Variants in SCN8A observed in about 807,000 individuals in gnomAD.
SCN8A encodes the protein sodium channel protein type 8 subunit alpha.
Under a neutral mutation model 184.1 loss-of-function variants are expected in SCN8A, and 30 were observed. The observed-to-expected ratio is 0.16, with a 90% confidence interval of 0.12 to 0.22. The LOEUF (loss-of-function observed/expected upper bound fraction) is 0.22. Among genes scored for constraint, SCN8A ranks in the 10% least tolerant of loss-of-function variants. The pLI is 1.00. For synonymous variants in SCN8A, 852 were observed against 907.0 expected (o/e 0.94, Z 1.09); for missense variants, 1,057 against 2,498.9 (o/e 0.42, Z 12.30).
chr12:51,596,419 C>T (rs990609408), intron 1 of SCN8A, among the ~76,000 whole-genome samples: 13 of 152,180 alleles, frequency 8.5e-5, no homozygotes, highest in African/African-American at 2.7e-4. Context: ...GACTATCTAA[C>T]TGGTGTAGTG....
intron 16 of SCN8A, among the ~76,000 whole-genome samples, chr12:51,766,753 A>C (rs982482894): frequency 5.9e-5 from 9 of 152,254 alleles, no homozygotes; most frequent in African/African-American, 1.9e-4. Flanking sequence ...AGCAGCAACA[A>C]GATCACTGGA....
intron 12 of SCN8A, among the ~76,000 whole-genome samples, chr12:51,743,907 C>A (rs1811527649): frequency 1.3e-5 from 2 of 151,862 alleles, no homozygotes; most frequent in African/African-American, 4.8e-5. Flanking sequence ...ACCAGCCTGG[C>A]CAACATGGTG....
chr12:51,746,165 C>CTAT, intron 13 of SCN8A, 130 bp downstream of exon 13: 1 of 814,090 alleles, frequency 1.2e-6, no homozygotes, highest in Non-Finnish European at 1.8e-6. Flanking sequence ...GAACGTATTC[C>CTAT]TATATAGAAA....
chr12:51,614,874 G>A (rs1939800617), intron 1 of SCN8A, among the ~76,000 whole-genome samples: 2 of 149,036 alleles, frequency 1.3e-5, no homozygotes, highest in African/African-American at 4.9e-5. Flanking sequence ...CATTTTACAT[G>A]AGATGTACCC....
intron 13 of SCN8A, among the ~76,000 whole-genome samples, chr12:51,746,874 C>T (rs1001723487): frequency 5.3e-5 from 8 of 152,162 alleles, no homozygotes; most frequent in African/African-American, 1.7e-4. Context: ...ATGGATTCTG[C>T]ACCTATCTTC....
chr12:51,655,057 C>T (rs548351223), intron 1 of SCN8A, among the ~76,000 whole-genome samples: 9 of 152,066 alleles, frequency 5.9e-5, no homozygotes, highest in Non-Finnish European at 1.5e-5. Flanking sequence ...GTACACCACG[C>T]CCAGCTAATT....
intron 9 of SCN8A, 70 bp downstream of exon 9, chr12:51,702,984 G>C (rs1013723700): frequency 1.4e-6 from 2 of 1,399,816 alleles, no homozygotes; most frequent in African/African-American, 2.9e-5. Flanking sequence ...GACCTTCTGT[G>C]TGAGAGACAT....
At chr12:51,768,584 T>C (rs1001708426) in intron 16 of SCN8A, among the ~76,000 whole-genome samples, 7 of 152,194 alleles carry the variant, frequency 4.6e-5, no homozygotes, top group African/African-American at 1.7e-4. Context: ...CCTTTGTTTT[T>C]TCTGATTATA....
intron 14 of SCN8A, among the ~76,000 whole-genome samples, chr12:51,761,169 A>C (rs1037137371): frequency 6.6e-6 from 1 of 152,070 alleles, no homozygotes; most frequent in African/African-American, 2.4e-5. Flanking sequence ...TTTTGTCAAA[A>C]CCGGCATTCA....
chr12:51,785,108 T>C (rs1938047995), intron 21 of SCN8A, among the ~76,000 whole-genome samples: 1 of 152,254 alleles, frequency 6.6e-6, no homozygotes, highest in Admixed American at 6.5e-5. Flanking sequence ...CCTGTTCTTT[T>C]GCACATTTCA....
At chr12:51,668,034 T>G (rs1941065710) in intron 2 of SCN8A, among the ~76,000 whole-genome samples, 1 of 151,790 alleles carries the variant, frequency 6.6e-6, no homozygotes, top group African/African-American at 2.4e-5. Context: ...AAATACAAAA[T>G]TAGCCAGGTG....
Position 51,786,112 on chromosome 12 carries a change from C to G in SCN8A, c.3943-430C>G, listed in dbSNP as rs1018263621. ...TCTCTATTAACCACAACGGGTAGTT[C>G]TCTGTGATTTTGAACAATTATACCT... is the stretch of plus-strand genomic sequence containing the variant. On this transcript the variant is annotated intron_variant, in intron 21 of 26. Transcript: ENST00000627620. Among the ~76,000 whole-genome samples, 4 of 152,120 alleles carry G rather than the reference C, an allele frequency of 2.6e-5. No homozygotes were observed. In the East Asian group the frequency reaches 7.7e-4, roughly 29 times the overall value.
chr12:51,785,249 C>T (rs898834146), intron 21 of SCN8A, among the ~76,000 whole-genome samples: 3 of 152,156 alleles, frequency 2.0e-5, no homozygotes, highest in Non-Finnish European at 4.4e-5. Flanking sequence ...TGAAGATTTT[C>T]CAGATTTCAG....
At chr12:51,692,834 G>A (rs1034682534) in intron 6 of SCN8A, among the ~76,000 whole-genome samples, 2 of 152,162 alleles carry the variant, frequency 1.3e-5, no homozygotes, top group African/African-American at 2.4e-5. Flanking sequence ...CTTCTTAGCA[G>A]CATTTAATAG....
intron 1 of SCN8A, among the ~76,000 whole-genome samples, chr12:51,634,246 C>A (rs1357748846): frequency 1.3e-5 from 2 of 152,170 alleles, no homozygotes; most frequent in Non-Finnish European, 2.9e-5. Flanking sequence ...GTAAAACAAT[C>A]TTTATTATAT....
chr12:51,679,829 G>A (rs1260464330), intron 2 of SCN8A, among the ~76,000 whole-genome samples: 4 of 147,942 alleles, frequency 2.7e-5, no homozygotes, highest in African/African-American at 5.0e-5. Flanking sequence ...GGGTTCAAGC[G>A]ATTCTCCTGC....
At chr12:51,749,467 C>A (rs1277603678) in intron 13 of SCN8A, among the ~76,000 whole-genome samples, 1 of 152,146 alleles carries the variant, frequency 6.6e-6, no homozygotes, top group Non-Finnish European at 1.5e-5. Flanking sequence ...GGGAACGGAA[C>A]TAAATTTCCA....
chr12:51,646,159 T>G (rs1262360589), intron 1 of SCN8A, among the ~76,000 whole-genome samples: 4 of 152,084 alleles, frequency 2.6e-5, no homozygotes, highest in Non-Finnish European at 4.4e-5. Context: ...TTTATCAGAA[T>G]TATATCTTAA....
At chr12:51,753,261 G>A (rs1942623026) in intron 14 of SCN8A, among the ~76,000 whole-genome samples, 1 of 152,094 alleles carries the variant, frequency 6.6e-6, no homozygotes, top group Non-Finnish European at 1.5e-5. Flanking sequence ...GTTTTCAAAC[G>A]GCAAGTAAAT....
Sources: gnomAD v4.1 joint callset for allele counts (sites outside exome capture counted in the v4.1 genomes callset) on GRCh38, gnomAD v4.1.1 for gene constraint, MANE v1.5 for transcripts, NCBI Gene and HGNC (gene_info 2026-07-23, HGNC 2026-07-21) for gene names.